TEAD1: variants seen among roughly 807,000 people sequenced by gnomAD.
TEAD1 encodes the protein TEA domain transcription factor 1, also known as transcriptional enhancer factor TEF-1.
TEAD1 carries 9 observed loss-of-function variants against 54.9 expected under a neutral mutation model. The observed-to-expected ratio is 0.16, with a 90% confidence interval of 0.10 to 0.29. The LOEUF (loss-of-function observed/expected upper bound fraction) is 0.29, where lower values mean the gene tolerates loss of function less well. Ranked by LOEUF, TEAD1 falls within the 10% of genes least tolerant of loss-of-function variation. The pLI is 1.00. For synonymous variants in TEAD1, 200 were observed against 187.8 expected (o/e 1.07, Z -0.53); for missense variants, 387 against 535.9 (o/e 0.72, Z 2.74).
At chr11:12,677,401 C>T (rs561287598) in intron 2 of TEAD1, among the ~76,000 whole-genome samples, 2 of 152,040 alleles carry the variant, frequency 1.3e-5, no homozygotes, top group African/African-American at 4.8e-5. Flanking sequence ...CCTCCCTTTC[C>T]CATTTCCTCT....
intron 3 of TEAD1, among the ~76,000 whole-genome samples, chr11:12,842,104 A>T (rs1947053409): frequency 6.6e-6 from 1 of 152,204 alleles, no homozygotes; most frequent in Admixed American, 6.5e-5. Context: ...GCAAATGTGA[A>T]TCATGGGAAC....
intron 4 of TEAD1, among the ~76,000 whole-genome samples, chr11:12,862,787 G>A (rs1348950594): frequency 2.0e-5 from 3 of 152,206 alleles, no homozygotes; most frequent in East Asian, 1.9e-4. Flanking sequence ...AATGATGTGC[G>A]TCCAGGGAAC....
chr11:12,863,662 A>C (rs1947553705), intron 4 of TEAD1, among the ~76,000 whole-genome samples: 1 of 152,164 alleles, frequency 6.6e-6, no homozygotes. Flanking sequence ...TACATTTCGG[A>C]AACCAGTGGA....
chr11:12,816,193 C>G (rs1946410940), intron 3 of TEAD1, among the ~76,000 whole-genome samples: 1 of 152,210 alleles, frequency 6.6e-6, no homozygotes, highest in Non-Finnish European at 1.5e-5. Context: ...GATACTGTTG[C>G]ACTCACGTCC....
chr11:12,711,000 T>C (rs936059418), intron 2 of TEAD1, among the ~76,000 whole-genome samples: 1 of 152,050 alleles, frequency 6.6e-6, no homozygotes, highest in Non-Finnish European at 1.5e-5. Flanking sequence ...TTACAGCAAG[T>C]TGGGGATGGT....
At chr11:12,810,624 A>C (rs937136960) in intron 3 of TEAD1, among the ~76,000 whole-genome samples, 4 of 152,006 alleles carry the variant, frequency 2.6e-5, no homozygotes, top group African/African-American at 9.7e-5. Context: ...TCTTTCTGCT[A>C]TGATTGGGAT....
intron 2 of TEAD1, among the ~76,000 whole-genome samples, chr11:12,731,284 A>G (rs115838073): frequency 0.01 from 1,569 of 152,304 alleles, 29 homozygotes; most frequent in African/African-American, 0.037. Flanking sequence ...TCCAATGTGA[A>G]ACAATGAGAA....
At chr11:12,912,363 CCCT>C (rs1488193799) in intron 10 of TEAD1, among the ~76,000 whole-genome samples, 1 of 152,094 alleles carries the variant, frequency 6.6e-6, no homozygotes, top group Admixed American at 6.5e-5. Flanking sequence ...AGAGGTGGAA[CCCT>C]TTTTGCCTGA....
intron 3 of TEAD1, among the ~76,000 whole-genome samples, chr11:12,796,661 G>A (rs1159316740): frequency 3.9e-5 from 6 of 151,956 alleles, no homozygotes; most frequent in Non-Finnish European, 7.4e-5. Context: ...AGGAGGTTGA[G>A]GCTTCAGTGA....
At chr11:12,882,364 T>A (rs1201228021) in intron 8 of TEAD1, among the ~76,000 whole-genome samples, 1 of 151,934 alleles carries the variant, frequency 6.6e-6, no homozygotes, top group Non-Finnish European at 1.5e-5. Context: ...AAGGAGAGAG[T>A]ACATGGAAGC....
intron 3 of TEAD1, among the ~76,000 whole-genome samples, chr11:12,813,905 G>C (rs1946359456): frequency 6.6e-6 from 1 of 152,150 alleles, no homozygotes; most frequent in Admixed American, 6.5e-5. Context: ...AGAGGATGGG[G>C]TGTAGCCTGT....
At chr11:12,771,864 AG>A in intron 3 of TEAD1, among the ~76,000 whole-genome samples, 1 of 152,234 alleles carries the variant, frequency 6.6e-6, no homozygotes, top group East Asian at 1.9e-4. Flanking sequence ...TTTTCAGAAA[AG>A]GGAAGACAGA....
chr11:12,927,294 C>A (rs1298965633), intron 11 of TEAD1, among the ~76,000 whole-genome samples: 1 of 152,152 alleles, frequency 6.6e-6, no homozygotes, highest in Non-Finnish European at 1.5e-5. Flanking sequence ...TGTATCAAAA[C>A]CACTTATGAA....
At chr11:12,803,336 T>C (rs896710077) in intron 3 of TEAD1, among the ~76,000 whole-genome samples, 3 of 152,194 alleles carry the variant, frequency 2.0e-5, no homozygotes, top group Admixed American at 2.0e-4. Flanking sequence ...GGATGAAGGA[T>C]TATGAGTCTG....
intron 5 of TEAD1, among the ~76,000 whole-genome samples, chr11:12,873,711 GA>G (rs1056534023): frequency 6.6e-6 from 1 of 151,904 alleles, no homozygotes; most frequent in South Asian, 2.1e-4. Context: ...ATCATAGCTA[GA>G]AAAAAAATCA....
At chr11:12,798,963 C>T (rs1352661690) in intron 3 of TEAD1, among the ~76,000 whole-genome samples, 2 of 152,196 alleles carry the variant, frequency 1.3e-5, no homozygotes, top group African/African-American at 2.4e-5. Context: ...AAACCCCCCC[C>T]AGGCATTCTG....
chr11:12,774,427 C>T (rs1453974451), intron 3 of TEAD1, among the ~76,000 whole-genome samples: 6 of 152,078 alleles, frequency 3.9e-5, no homozygotes, highest in Non-Finnish European at 5.9e-5. Flanking sequence ...TACATGGCCC[C>T]ATGGATATGC....
At chr11:12,918,827 A>G (rs1043509373) in intron 10 of TEAD1, among the ~76,000 whole-genome samples, 45 of 152,248 alleles carry the variant, frequency 3.0e-4, no homozygotes, top group Non-Finnish European at 1.0e-4. Flanking sequence ...AATGAACTAT[A>G]TACAACAACA....
At chr11:12,783,161 A>G (rs1945599126) in intron 3 of TEAD1, among the ~76,000 whole-genome samples, 2 of 118,490 alleles carry the variant, frequency 1.7e-5, no homozygotes, top group African/African-American at 6.8e-5. Context: ...AAATCACTGT[A>G]TGACAAAGGC....
Sources: gnomAD v4.1 joint callset for allele counts (sites outside exome capture counted in the v4.1 genomes callset) on GRCh38, gnomAD v4.1.1 for gene constraint, MANE v1.5 for transcripts, NCBI Gene and HGNC (gene_info 2026-07-23, HGNC 2026-07-21) for gene names.